PHF24: variants seen among roughly 807,000 people sequenced by gnomAD.
The protein encoded by PHF24 is PHD finger protein 24.
A neutral mutation model predicts 42.6 loss-of-function variants in PHF24; 25 were observed. The observed-to-expected ratio is 0.59, with a 90% CI of 0.43 to 0.82. The LOEUF (loss-of-function observed/expected upper bound fraction) is 0.82. Ranked by LOEUF, PHF24 falls within the 40% of genes least tolerant of loss-of-function variation. The pLI is 0.00. For missense variants in PHF24, 470 were observed against 538.1 expected (o/e 0.87, Z 1.25); for synonymous variants, 185 against 204.8 (o/e 0.90, Z 0.83).
At chr9:34,690,334 G>C in the PHF24 span, 1 of 1,613,926 alleles carries the variant, frequency 6.2e-7, no homozygotes, top group South Asian at 1.1e-5. Flanking sequence ...GTGCCACTCA[G>C]AGTTGGGGCT....
At chr9:34,919,518 T>A in the PHF24 span, among the ~76,000 whole-genome samples, 1 of 152,118 alleles carries the variant, frequency 6.6e-6, no homozygotes, top group Admixed American at 6.5e-5. Flanking sequence ...AACTTTTTTT[T>A]TAAAATCCAT....
the PHF24 span, among the ~76,000 whole-genome samples, chr9:34,902,720 G>A: frequency 6.6e-6 from 1 of 152,258 alleles, no homozygotes; most frequent in African/African-American, 2.4e-5. Flanking sequence ...TTCAGTAGCT[G>A]TATCCTTTTC....
chr9:34,933,931 G>A, the PHF24 span, among the ~76,000 whole-genome samples: 4 of 151,768 alleles, frequency 2.6e-5, no homozygotes, highest in Non-Finnish European at 2.9e-5. Flanking sequence ...TTTTAGTAGA[G>A]ACAGGGTTTT....
the PHF24 span, among the ~76,000 whole-genome samples, chr9:34,747,897 A>C: frequency 2.0e-5 from 3 of 152,260 alleles, no homozygotes; most frequent in Non-Finnish European, 4.4e-5. Flanking sequence ...GAAGCAAAAA[A>C]AAATATTGTA....
chr9:34,875,958 T>A, the PHF24 span, among the ~76,000 whole-genome samples: 1,955 of 27,784 alleles, frequency 0.07, 16 homozygotes, highest in South Asian at 0.11. Flanking sequence ...ACACTCTCTC[T>A]CTCTCTCTCT....
chr9:34,830,022 G>T, the PHF24 span, among the ~76,000 whole-genome samples: 37 of 152,330 alleles, frequency 2.4e-4, no homozygotes, highest in Admixed American at 1.2e-3. Flanking sequence ...ATGTGGCTTT[G>T]AGAATCATCA....
At chr9:34,936,070 CCCACGGTCTCCCTCTCCCTCTCTTT>C in the PHF24 span, among the ~76,000 whole-genome samples, 37 of 151,586 alleles carry the variant, frequency 2.4e-4, no homozygotes, top group Admixed American at 2.0e-3. Context: ...TCTCCCTCTC[CCCACGGTCTCCCTCTCCCTCTCTTT>C]CCACGGTCTC....
the PHF24 span, among the ~76,000 whole-genome samples, chr9:34,867,612 G>A: frequency 2.0e-5 from 3 of 152,060 alleles, no homozygotes; most frequent in African/African-American, 7.2e-5. Context: ...CTTAAAGACC[G>A]CAGAGGATAG....
At chr9:34,725,890 T>G in the PHF24 span, 137 of 1,551,950 alleles carry the variant, frequency 8.8e-5, no homozygotes, top group Non-Finnish European at 1.2e-4. Flanking sequence ...GGCCTTGAGA[T>G]CCCATGAAAG....
chr9:34,875,907 TAC>T, the PHF24 span, among the ~76,000 whole-genome samples: 832 of 116,106 alleles, frequency 7.2e-3, 7 homozygotes, highest in African/African-American at 0.019. Context: ...CTCTCTCTCT[TAC>T]ACACACACAC....
At chr9:34,916,265 C>T in the PHF24 span, among the ~76,000 whole-genome samples, 1 of 152,132 alleles carries the variant, frequency 6.6e-6, no homozygotes, top group Non-Finnish European at 1.5e-5. Context: ...GAGAAACTTC[C>T]CCCTCCCCAC....
the PHF24 span, among the ~76,000 whole-genome samples, chr9:34,838,913 T>C: frequency 6.6e-6 from 1 of 152,162 alleles, no homozygotes; most frequent in Non-Finnish European, 1.5e-5. Context: ...CCCACTAGTT[T>C]TGGAAATATA....
At chr9:34,787,366 G>A in the PHF24 span, among the ~76,000 whole-genome samples, 1 of 152,160 alleles carries the variant, frequency 6.6e-6, no homozygotes, top group East Asian at 1.9e-4. Flanking sequence ...AGTGTCAGAA[G>A]GGTGAGAACT....
chr9:34,890,294 T>A, the PHF24 span, among the ~76,000 whole-genome samples: 1 of 152,336 alleles, frequency 6.6e-6, no homozygotes, highest in East Asian at 1.9e-4. Context: ...GATTTCCAGC[T>A]GCTTTGAATG....
the PHF24 span, among the ~76,000 whole-genome samples, chr9:34,679,092 C>G: frequency 1.3e-5 from 2 of 152,224 alleles, no homozygotes; most frequent in Non-Finnish European, 2.9e-5. Flanking sequence ...TGTACCTTCT[C>G]AGGGCTGTGA....
the PHF24 span, chr9:34,918,422 A>AAT: frequency 2.0e-6 from 1 of 496,158 alleles, no homozygotes; most frequent in Non-Finnish European, 3.7e-6. Context: ...AAAAAAAAAA[A>AAT]ATCATGGGGA....
exon 2 of PHF24, chr9:34,971,616 C>A (rs749435695): frequency 2.5e-6 from 4 of 1,613,804 alleles, no homozygotes; most frequent in Non-Finnish European, 3.4e-6. Context: ...CGTTCATCCG[C>A]CCCACCCGGA....
the PHF24 span, among the ~76,000 whole-genome samples, chr9:34,844,345 TGTTCTTCTTTTTCTA>T: frequency 1.1e-4 from 17 of 152,092 alleles, no homozygotes; most frequent in African/African-American, 3.6e-4. Flanking sequence ...GGGCTTAGTT[TGTTCTTCTTTTTCTA>T]GTTCCTTGAG....
chr9:34,921,848 G>A, the PHF24 span, among the ~76,000 whole-genome samples: 1 of 152,122 alleles, frequency 6.6e-6, no homozygotes, highest in Non-Finnish European at 1.5e-5. Context: ...CCAATATGTA[G>A]GCAGTTTTCT....
Sources: gnomAD v4.1 joint callset for allele counts (sites outside exome capture counted in the v4.1 genomes callset) on GRCh38, gnomAD v4.1.1 for gene constraint, MANE v1.5 for transcripts, NCBI Gene and HGNC (gene_info 2026-07-23, HGNC 2026-07-21) for gene names.